Variants in MPPED2 observed in about 807,000 individuals in gnomAD.
The protein encoded by MPPED2 is metallophosphoesterase MPPED2.
A neutral mutation model predicts 33.0 loss-of-function variants in MPPED2; 5 were observed. The ratio of observed to expected loss-of-function variants is 0.15; its 90% CI spans 0.08 to 0.32. MPPED2 has a LOEUF of 0.32. Ranked by LOEUF, MPPED2 falls within the 10% of genes least tolerant of loss-of-function variation. The pLI is 1.00. For missense variants in MPPED2, 275 were observed against 372.1 expected (o/e 0.74, Z 2.15); for synonymous variants, 136 against 141.9 (o/e 0.96, Z 0.29).
chr11:30,505,163 T>C (rs573001382), intron 3 of MPPED2, among the ~76,000 whole-genome samples: 85 of 152,242 alleles, frequency 5.6e-4, no homozygotes, highest in Non-Finnish European at 1.1e-3. Context: ...GCCATTAATA[T>C]CCACAATTTT....
At chr11:30,566,084 C>T (rs953461123) in intron 2 of MPPED2, among the ~76,000 whole-genome samples, 2 of 151,832 alleles carry the variant, frequency 1.3e-5, no homozygotes, top group Admixed American at 1.3e-4. Context: ...TTATTCAAAA[C>T]GCATGATTCC....
intron 4 of MPPED2, among the ~76,000 whole-genome samples, chr11:30,438,740 T>C (rs546130165): frequency 3.5e-4 from 54 of 152,312 alleles, no homozygotes; most frequent in African/African-American, 1.2e-3. Flanking sequence ...TCAATGAAGA[T>C]AATAAGGGCA....
At chr11:30,398,052 T>C (rs1274377051) in intron 6 of MPPED2, among the ~76,000 whole-genome samples, 1 of 152,110 alleles carries the variant, frequency 6.6e-6, no homozygotes, top group African/African-American at 2.4e-5. Context: ...GGGATGGAGA[T>C]TTGGTATTAA....
intron 4 of MPPED2, among the ~76,000 whole-genome samples, chr11:30,481,133 C>T (rs1367209569): frequency 6.6e-6 from 1 of 152,132 alleles, no homozygotes; most frequent in African/African-American, 2.4e-5. Context: ...AAAAGAATTA[C>T]ATTTCAAATC....
At chr11:30,498,175 T>C (rs1268698774) in intron 3 of MPPED2, among the ~76,000 whole-genome samples, 2 of 152,044 alleles carry the variant, frequency 1.3e-5, no homozygotes, top group Admixed American at 1.3e-4. Context: ...AAGAGGTGCC[T>C]GCCTTTTTCC....
intron 4 of MPPED2, among the ~76,000 whole-genome samples, chr11:30,485,590 G>A (rs1349813757): frequency 6.6e-6 from 1 of 151,680 alleles, no homozygotes; most frequent in East Asian, 1.9e-4. Context: ...AAGTAAAACA[G>A]AGTTGTAGAT....
At chr11:30,484,360 A>T (rs1262465194) in intron 4 of MPPED2, among the ~76,000 whole-genome samples, 2 of 152,146 alleles carry the variant, frequency 1.3e-5, no homozygotes, top group African/African-American at 2.4e-5. Flanking sequence ...GGACATTATT[A>T]GTTATAGTAA....
chr11:30,560,312 TAAA>T (rs569768584), intron 2 of MPPED2, among the ~76,000 whole-genome samples: 2 of 149,382 alleles, frequency 1.3e-5, no homozygotes, highest in African/African-American at 4.9e-5. Flanking sequence ...GTTTTTTTTT[TAAA>T]AAAAAAAAAT....
intron 4 of MPPED2, among the ~76,000 whole-genome samples, chr11:30,428,256 A>G (rs542715812): frequency 1.3e-5 from 2 of 152,336 alleles, no homozygotes; most frequent in African/African-American, 4.8e-5. Context: ...GAGAAATTTC[A>G]GTTTAAATGC....
intron 3 of MPPED2, among the ~76,000 whole-genome samples, chr11:30,498,456 G>A (rs1952396072): frequency 6.6e-6 from 1 of 151,566 alleles, no homozygotes; most frequent in African/African-American, 2.4e-5. Context: ...GTGGTAGCAG[G>A]AGAATTGCTT....
rs375752962 is a variant in MPPED2 at position 30,493,187 on chromosome 11, C to A, written c.536+2109G>T. On this transcript the variant is annotated intron_variant, in intron 4 of 6. Transcript: ENST00000358117. ...TCACGAGGTCAGGAGATCGAGACCA[C>A]GGTGAAACCCCGTCTCTACTAAAAA... Among the ~76,000 whole-genome samples the A allele has an allele frequency of 1.6e-4, 24 of 152,010 alleles. No individual in the cohort carries two copies. The East Asian group carries it at 3.1e-3, about 20-fold the overall frequency.
At chr11:30,387,921 C>T (rs970457522) in exon 7 of MPPED2, 1 of 152,232 alleles carries the variant, frequency 6.6e-6, no homozygotes, top group African/African-American at 2.4e-5. Flanking sequence ...TGGCAGATGC[C>T]TGACGATGAT....
chr11:30,483,898 A>G (rs1354582619), intron 4 of MPPED2, among the ~76,000 whole-genome samples: 1 of 152,150 alleles, frequency 6.6e-6, no homozygotes, highest in East Asian at 1.9e-4. Context: ...GTAGAGAGAA[A>G]AACAATAATC....
intron 2 of MPPED2, among the ~76,000 whole-genome samples, chr11:30,546,845 A>G (rs1955450675): frequency 6.6e-6 from 1 of 152,232 alleles, no homozygotes; most frequent in African/African-American, 2.4e-5. Context: ...TACAATAATT[A>G]TTAGACTTAA....
At chr11:30,427,268 T>A (rs571632451) in intron 4 of MPPED2, among the ~76,000 whole-genome samples, 1 of 152,264 alleles carries the variant, frequency 6.6e-6, no homozygotes, top group Non-Finnish European at 1.5e-5. Context: ...ATGAAATCTC[T>A]GCCCCCAAAT....
At position 30,411,498 on chromosome 11, in the gene MPPED2, T is replaced by C; in HGVS notation, c.855A>G (p.Ile285Met). ...VSFQPTNPPI[I>M]FDLPNPQGS Reference sequence around the variant, plus strand: ...AACCCTGTGGGTTTGGAAGGTCAAATATAATTGGAGGGTTGGTCGGTTGAA... The same window carrying C: ...AACCCTGTGGGTTTGGAAGGTCAAACATAATTGGAGGGTTGGTCGGTTGAA... The change falls in exon 7 of 7, where the codon ATA becomes ATG. Residue 285 changes from isoleucine to methionine, a missense_variant. By Grantham distance (10) the Ile-to-Met change is conservative. Coordinates refer to ENST00000358117, the MANE Select transcript of MPPED2 (RefSeq NM_001584.3). 6.2e-7 allele frequency: 1 copy of C among 1,613,810 alleles called. No homozygotes were observed. Among genetic ancestry groups the C allele is most frequent in the East Asian group, 2.2e-5 (1 of 44,878 alleles).
intron 2 of MPPED2, among the ~76,000 whole-genome samples, chr11:30,579,809 C>T (rs1174423834): frequency 6.9e-6 from 1 of 145,952 alleles, no homozygotes; most frequent in African/African-American, 2.6e-5. Flanking sequence ...ATGTAAAGGG[C>T]TAGTGGGGTG....
At chr11:30,465,421 G>A (rs1950666830) in intron 4 of MPPED2, among the ~76,000 whole-genome samples, 1 of 152,136 alleles carries the variant, frequency 6.6e-6, no homozygotes, top group Non-Finnish European at 1.5e-5. Context: ...CTGAATAGCT[G>A]GGATTACAGG....
intron 3 of MPPED2, among the ~76,000 whole-genome samples, chr11:30,534,831 A>T (rs1004974043): frequency 1.3e-5 from 2 of 152,240 alleles, no homozygotes; most frequent in Non-Finnish European, 2.9e-5. Flanking sequence ...ATCAATTTAA[A>T]TGCTCATTTT....
Sources: allele counts gnomAD v4.1 joint callset (sites outside exome capture counted in the v4.1 genomes callset), GRCh38; gene constraint gnomAD v4.1.1; transcripts MANE v1.5; gene names NCBI Gene and HGNC (gene_info 2026-07-23, HGNC 2026-07-21).